The following LRRK1 variants were observed in gnomAD, a reference collection of about 807,000 sequenced individuals.
The protein encoded by LRRK1 is leucine-rich repeat serine/threonine-protein kinase 1.
Under a neutral mutation model 209.1 loss-of-function variants are expected in LRRK1, and 113 were observed. That is an observed-to-expected ratio of 0.54 (90% confidence interval 0.46 to 0.63). The LOEUF is 0.63. LRRK1 is among the 30% of genes least tolerant of loss of function. LRRK1 has a pLI of 0.00. For missense variants in LRRK1, 2,284 were observed against 2,632.2 expected (o/e 0.87, Z 2.89); for synonymous variants, 1,144 against 1,099.7 (o/e 1.04, Z -0.80).
chr15:101,048,832 C>G (rs534132306), intron 22 of LRRK1, among the ~76,000 whole-genome samples, 175 bp downstream of exon 22: 36 of 152,314 alleles, frequency 2.4e-4, no homozygotes, highest in African/African-American at 8.4e-4. Context: ...CCAGAGGCTC[C>G]GGTCTCCTCA....
At position 101,056,841 on chromosome 15, in the gene LRRK1, T is replaced by C. The variant is rs2035837520; in HGVS notation, c.4333-15T>C. 6.3e-7 allele frequency: 1 copy of C among 1,576,606 alleles called. No individual in the cohort carries two copies. ...GGCCCAGGCAGCGACCTGACTTGGC[T>C]TGTTCTGTGCCCAGGTAGATATGTT... is the stretch of plus-strand genomic sequence containing the variant. On this transcript the variant is annotated splice_polypyrimidine_tract_variant and intron_variant, in intron 27 of 33. Coordinates refer to ENST00000388948, the MANE Select transcript of LRRK1 (RefSeq NM_024652.6).
At chr15:101,064,138 A>AGCCAGGACT (rs1196639451) in intron 31 of LRRK1, among the ~76,000 whole-genome samples, 1 of 152,260 alleles carries the variant, frequency 6.6e-6, no homozygotes, top group Non-Finnish European at 1.5e-5. Flanking sequence ...CCGGGGCCTG[A>AGCCAGGACT]GCCAGGACTG....
In LRRK1 at chr15:101,022,128, C is replaced by T. The variant is rs908919186; in HGVS notation, c.1852+171C>T. Among the ~76,000 whole-genome samples the T allele has an allele frequency of 6.6e-6, 1 of 152,142 alleles. No individual in the cohort carries two copies. The highest frequency in any genetic ancestry group is 1.5e-5 in the Non-Finnish European group (1 of 68,038). ...CCCTAAAGCAATCGTTACTGAGGGT[C>T]ACTATACTGAGAAGGACCAGGTGAT... On this transcript the variant is annotated intron_variant, in intron 14 of 33. Transcript: ENST00000388948. This position sits in a 1 kb window ranked among gnomAD's most constrained non-coding sequence, Gnocchi z 4.0.
chr15:100,937,792 C>T (rs2042329598), intron 2 of LRRK1, among the ~76,000 whole-genome samples: 1 of 152,084 alleles, frequency 6.6e-6, no homozygotes, highest in African/African-American at 2.4e-5. Context: ...GTCTCGGCCT[C>T]CCAAAGTGCT....
At chr15:101,068,130 GCA>G (rs986970784) in intron 33 of LRRK1, among the ~76,000 whole-genome samples, 8 of 152,192 alleles carry the variant, frequency 5.3e-5, no homozygotes, top group African/African-American at 1.7e-4. Context: ...GAAACCTGTA[GCA>G]CACACCCACC....
intron 6 of LRRK1, chr15:100,989,637 C>A (rs1402059659): frequency 1.7e-6 from 1 of 581,568 alleles, no homozygotes. Flanking sequence ...AACAACCCAC[C>A]CTCAAAATAA....
Position 101,027,231 on chromosome 15 carries a change from A to G in LRRK1, c.2406-30A>G, listed in dbSNP as rs139983515. 3.5e-5 allele frequency: 56 copies of G among 1,612,666 alleles called. No individual in the cohort carries two copies. The East Asian group carries it at 9.2e-4, about 26-fold the overall frequency. On this transcript the variant is annotated intron_variant, in intron 17 of 33. Transcript: ENST00000388948. The surrounding 1 kb of genome is among the most constrained non-coding windows in gnomAD (Gnocchi z 5.1). ...CAGCGCTTCCTCGGAGTGGGGCATG[A>G]TGAGTAAAGACGGGTCTTTTTGCTC...
At position 101,077,152 on chromosome 15, in the gene LRRK1, G is replaced by T. The variant is rs2037014793; in HGVS notation, c.*8304G>T. On this transcript the variant is annotated 3_prime_UTR_variant, in exon 34 of 34. Transcript: ENST00000388948. Reference sequence around the variant, plus strand: ...ACCACTTTCCCTTCTCAGAATTCAGGCCTGTCCTTGGAATGCTACAAGGTA... The same window carrying T: ...ACCACTTTCCCTTCTCAGAATTCAGTCCTGTCCTTGGAATGCTACAAGGTA... The T allele has an allele frequency of 7.2e-6, 1 of 138,624 alleles. No homozygotes were observed. Among genetic ancestry groups the T allele is most frequent in the Non-Finnish European group, 1.6e-5 (1 of 60,788 alleles). 8.6% of individuals were successfully genotyped at this position (138,624 alleles called of 1,614,324 possible). A position where few individuals can be genotyped will look rare whatever the true frequency, so the allele number is the denominator to read the frequency against.
At position 100,933,821 on chromosome 15, in the gene LRRK1, CAAAAAAAAAAAAAAAAAA is replaced by C. The variant is rs67129854; in HGVS notation, c.97+9107_97+9124del. On this transcript the variant is annotated intron_variant, in intron 2 of 33. Transcript: ENST00000388948. ...TGGGCCACAGTGCCAGACTCCATCT[CAAAAAAAAAAAAAAAAAA>C]AAAAAAAAAAAAAAGATTTGCTTGA... is the stretch of plus-strand genomic sequence containing the variant. Among the ~76,000 whole-genome samples the C allele has an allele frequency of 2.3e-4, 10 of 42,866 alleles. 1 individual carries two copies. In the Admixed American group the frequency reaches 3.1e-3, roughly 13 times the overall value. 28.1% of individuals were successfully genotyped at this position (42,866 alleles called of 152,430 possible).
In LRRK1 at chr15:100,924,596, G is replaced by A. The variant is rs577112658; in HGVS notation, c.-37G>A. 3.1e-5 allele frequency: 49 copies of A among 1,594,234 alleles called. No individual in the cohort carries two copies. In the South Asian group the frequency reaches 3.6e-4, roughly 12 times the overall value. ...CAGCGGCAGTGGCAGTGACAACAGC[G>A]GGACCTGCCTTTGAAGATCGGCTGC... On this transcript the variant is annotated 5_prime_UTR_variant, in exon 2 of 34. Transcript: ENST00000388948.
intron 2 of LRRK1, among the ~76,000 whole-genome samples, chr15:100,948,147 A>T (rs2042578161): frequency 6.6e-6 from 1 of 152,174 alleles, no homozygotes; most frequent in South Asian, 2.1e-4. Context: ...CCCAGGTGCT[A>T]CCCCCAAAGC....
rs777807558 is a variant in LRRK1, at chr15:101,024,817, G to A, written c.2082G>A (p.Glu694=). 35 of 1,613,906 alleles carry A rather than the reference G, an allele frequency of 2.2e-5. No individual in the cohort carries two copies. In the South Asian group the frequency reaches 3.2e-4, roughly 15 times the overall value. Residue 694 remains glutamate (E), a synonymous_variant, in exon 16 of 34, where the codon GAG becomes GAA. Coordinates refer to ENST00000388948, the MANE Select transcript of LRRK1 (RefSeq NM_024652.6). This position sits in a 1 kb window ranked among gnomAD's most constrained non-coding sequence, Gnocchi z 4.6. ...AGSRAKVESV[E]FNVWDIGGPA... ...TGCTCAAGTAGGTTGAGTCCGTGGA[G>A]TTCAACGTCTGGGACATCGGGGGAC...
At chr15:100,968,772 C>T (rs1472816705) in intron 2 of LRRK1, among the ~76,000 whole-genome samples, 1 of 145,026 alleles carries the variant, frequency 6.9e-6, no homozygotes, top group East Asian at 2.0e-4. Context: ...TTCCCTTCCC[C>T]TTTCCTTCCC....
At chr15:101,038,455 G>C (rs937429310) in intron 20 of LRRK1, among the ~76,000 whole-genome samples, 1 of 152,160 alleles carries the variant, frequency 6.6e-6, no homozygotes, top group Non-Finnish European at 1.5e-5. Context: ...AGCACCCTCC[G>C]AGCAGTGCCA....
At chr15:100,937,829 C>A (rs1231314834) in intron 2 of LRRK1, among the ~76,000 whole-genome samples, 1 of 151,770 alleles carries the variant, frequency 6.6e-6, no homozygotes, top group Admixed American at 6.6e-5. Context: ...GCCACTGCGC[C>A]CAGCCTATTT....
intron 33 of LRRK1, chr15:101,067,093 T>C (rs1033101172): frequency 5.5e-6 from 2 of 363,344 alleles, no homozygotes; most frequent in Non-Finnish European, 1.1e-5. Flanking sequence ...CAGGAAACCC[T>C]ACCCGAGGTG....
chr15:100,999,988 A>G (rs572589268), intron 6 of LRRK1, among the ~76,000 whole-genome samples: 19 of 152,380 alleles, frequency 1.2e-4, no homozygotes, highest in Non-Finnish European at 2.6e-4. Context: ...TTGTTTAAAC[A>G]TATTGGCAGC....
chr15:100,944,915 A>G (rs2042506840), intron 2 of LRRK1, among the ~76,000 whole-genome samples: 1 of 152,212 alleles, frequency 6.6e-6, no homozygotes, highest in East Asian at 1.9e-4. Flanking sequence ...CAAAACAAAG[A>G]TAGAGTCTGA....
At chr15:101,050,398 G>A (rs759444101) in intron 23 of LRRK1, among the ~76,000 whole-genome samples, 2 of 152,202 alleles carry the variant, frequency 1.3e-5, no homozygotes, top group Non-Finnish European at 2.9e-5. Context: ...ACGACTCCCA[G>A]AGCAGCCTGC....
Sources: gnomAD v4.1 joint callset for allele counts (sites outside exome capture counted in the v4.1 genomes callset) on GRCh38, gnomAD v4.1.1 for gene constraint, Gnocchi (gnomAD v3.1) non-coding constraint, MANE v1.5 for transcripts, NCBI Gene and HGNC (gene_info 2026-07-23, HGNC 2026-07-21) for gene names.